Variants in KCNT2 observed in about 807,000 individuals in gnomAD.
The protein encoded by KCNT2 is potassium channel subfamily T member 2.
KCNT2 carries 67 observed loss-of-function variants against 153.8 expected under a neutral mutation model. The observed-to-expected ratio is 0.44, with a 90% CI of 0.36 to 0.53. KCNT2 has a LOEUF of 0.53. KCNT2 is among the 20% of genes least tolerant of loss of function. The probability of loss-of-function intolerance (pLI) is 0.00; values close to 1 mark genes in which losing one functional copy is unlikely to be tolerated. For synonymous variants in KCNT2, 500 were observed against 458.8 expected, an observed-to-expected ratio of 1.09 and a Z score of -1.15; for missense variants, 975 against 1,354.8, an observed-to-expected ratio of 0.72 and a Z score of 4.40.
chr1:196,445,091 T>TC (rs1675572215), intron 8 of KCNT2, among the ~76,000 whole-genome samples: 1 of 151,372 alleles, frequency 6.6e-6, no homozygotes, highest in Admixed American at 6.6e-5. Flanking sequence ...AAAGTGTATA[T>TC]CCAAGAAATA....
intron 25 of KCNT2, among the ~76,000 whole-genome samples, chr1:196,266,663 G>C (rs536128118): frequency 1.7e-4 from 26 of 152,132 alleles, no homozygotes; most frequent in Non-Finnish European, 3.5e-4. Context: ...ACTATTTAGA[G>C]AAGGGGTAAT....
intron 1 of KCNT2, among the ~76,000 whole-genome samples, chr1:196,501,969 A>G (rs1175403921): frequency 6.6e-6 from 1 of 152,038 alleles, no homozygotes; most frequent in Non-Finnish European, 1.5e-5. Context: ...AATACAAAAA[A>G]CTAGCGGGGC....
intron 1 of KCNT2, among the ~76,000 whole-genome samples, chr1:196,574,709 G>A (rs973797555): frequency 2.6e-5 from 4 of 151,792 alleles, no homozygotes; most frequent in Non-Finnish European, 5.9e-5. Context: ...GTTTAAAATT[G>A]TTGAGAATCT....
chr1:196,310,456 T>G (rs1662054498), intron 21 of KCNT2, among the ~76,000 whole-genome samples: 1 of 151,940 alleles, frequency 6.6e-6, no homozygotes, highest in African/African-American at 2.4e-5. Flanking sequence ...TTCAAAAATC[T>G]TATCCATGTA....
intron 23 of KCNT2, among the ~76,000 whole-genome samples, chr1:196,283,863 T>C (rs1475431961): frequency 6.6e-6 from 1 of 151,770 alleles, no homozygotes; most frequent in Non-Finnish European, 1.5e-5. Context: ...GTTTCAGTTA[T>C]ATATACATAC....
At chr1:196,493,398 A>G (rs967276482) in intron 1 of KCNT2, among the ~76,000 whole-genome samples, 8 of 147,766 alleles carry the variant, frequency 5.4e-5, no homozygotes, top group Non-Finnish European at 7.5e-5. Context: ...AAACTAGGAG[A>G]AAAAAAAAAC....
intron 12 of KCNT2, among the ~76,000 whole-genome samples, chr1:196,417,859 C>T (rs1672877328): frequency 6.6e-6 from 1 of 152,042 alleles, no homozygotes; most frequent in African/African-American, 2.4e-5. Context: ...CTCTGCACTG[C>T]TAAGTTACAA....
rs140684031 is a variant in KCNT2, at chr1:196,425,948, A to G, written c.1025T>C (p.Val342Ala). The G allele has an allele frequency of 5.3e-5, 86 of 1,612,198 alleles. No homozygotes were observed. Among genetic ancestry groups the G allele is most frequent in the Non-Finnish European group, 6.9e-5 (81 of 1,178,858 alleles). ...AATCTGCAGTACCCTTCGAACCTGTACATCCATTTCAGTAGGACACAAAAT... is the reference window on the plus strand; with the variant it reads ...AATCTGCAGTACCCTTCGAACCTGTGCATCCATTTCAGTAGGACACAAAAT... ...VVILCPTEMDVQVRRVLQIPM... is the reference protein window; with the variant it reads ...VVILCPTEMDAQVRRVLQIPM... The change falls in exon 11 of 28, where the codon GTA (valine) becomes GCA (alanine). Residue 342 changes from valine (V) to alanine (A), a missense_variant. Physicochemically the swap from Val to Ala is moderately conservative, Grantham distance 64 (BLOSUM62 0). Coordinates refer to ENST00000294725, the MANE Select transcript of KCNT2 (RefSeq NM_198503.5).
chr1:196,456,474 C>G (rs1263519625), intron 8 of KCNT2, among the ~76,000 whole-genome samples: 1 of 151,926 alleles, frequency 6.6e-6, no homozygotes, highest in East Asian at 1.9e-4. Flanking sequence ...CTATATATGT[C>G]TTATTTCTTT....
Position 196,258,275 on chromosome 1 carries a change from A to T in KCNT2, c.3130T>A (p.Tyr1044Asn). 6.2e-7 allele frequency: 1 copy of T among 1,614,098 alleles called. No individual in the cohort carries two copies. The highest frequency in any genetic ancestry group is 2.2e-5 in the East Asian group (1 of 44,878). ...AGCTCTTGTCTTTCTGACCTCCTGT[A>T]GAGGTTCAGTCGCTGCTGGGTTATT... ...EKITQQRLNL[Y>N]RRSERQELAE... Residue 1044 changes from tyrosine to asparagine, a missense_variant, in exon 26 of 28, where the codon TAC becomes AAC. By Grantham distance (143) the Tyr-to-Asn change is moderately radical. Transcript: ENST00000294725.
chr1:196,429,762 AG>A lies in KCNT2; in HGVS notation c.639-6del. 2 of 1,579,886 alleles carry A rather than the reference AG, an allele frequency of 1.3e-6. No homozygotes were observed. Among genetic ancestry groups the A allele is most frequent in the Non-Finnish European group, 1.7e-6 (2 of 1,162,378 alleles). On this transcript the variant is annotated splice_region_variant and splice_polypyrimidine_tract_variant and intron_variant, in intron 8 of 27. Coordinates refer to ENST00000294725, the MANE Select transcript of KCNT2 (RefSeq NM_198503.5). ...AGATGTTGGATCCCACAAATGCTAA[AG>A]AAACAAATATGCATTACAATTAAAT...
chr1:196,481,632 A>C (rs1679029285), intron 4 of KCNT2, among the ~76,000 whole-genome samples: 1 of 152,212 alleles, frequency 6.6e-6, no homozygotes, highest in South Asian at 2.1e-4. Flanking sequence ...AGAAAATAAA[A>C]AGGATCTGTA....
rs531085087 is a variant in KCNT2, at chr1:196,428,703, G to A, written c.820-434C>T. On this transcript the variant is annotated intron_variant, in intron 9 of 27. Transcript: ENST00000294725. ...TAGCCATTAACGGAGGAAAGTGAAA[G>A]GTGCAAGGGAGGGTATGTCAGGAAG... Among the ~76,000 whole-genome samples, 12 of 152,172 alleles carry A rather than the reference G, an allele frequency of 7.9e-5. 1 individual carries two copies. In the East Asian group the frequency reaches 2.3e-3, roughly 30 times the overall value.
At chr1:196,485,346 A>G (rs1307260887) in intron 3 of KCNT2, among the ~76,000 whole-genome samples, 5 of 152,064 alleles carry the variant, frequency 3.3e-5, no homozygotes, top group African/African-American at 1.2e-4. Flanking sequence ...TAATAAAGTT[A>G]GTTTAAGACT....
intron 26 of KCNT2, chr1:196,257,662 C>G: frequency 2.1e-6 from 2 of 972,696 alleles, no homozygotes; most frequent in South Asian, 9.5e-5. Flanking sequence ...TATATAGGAA[C>G]TGAACAATTA....
intron 2 of KCNT2, among the ~76,000 whole-genome samples, chr1:196,490,694 G>T (rs948904473): frequency 6.6e-6 from 1 of 151,698 alleles, no homozygotes; most frequent in African/African-American, 2.4e-5. Context: ...TCTAAACTGT[G>T]TGGGTCACAA....
rs190012521 is a variant in KCNT2 at position 196,590,808 on chromosome 1, C to T, written c.95+17407G>A. 2.2e-4 allele frequency among the ~76,000 whole-genome samples: 34 copies of T among 152,232 alleles called. No homozygotes were observed. The East Asian group carries it at 3.9e-3, about 17-fold the overall frequency. ...CCTTACTGATATGGTTGAGATGTTACACCACCTCCAAATCCCATGTTGAAA... is the reference window on the plus strand; with the variant it reads ...CCTTACTGATATGGTTGAGATGTTATACCACCTCCAAATCCCATGTTGAAA... On this transcript the variant is annotated intron_variant, in intron 1 of 27. Transcript: ENST00000294725.
chr1:196,420,459 A>G (rs1027642252), intron 12 of KCNT2, among the ~76,000 whole-genome samples: 5 of 151,692 alleles, frequency 3.3e-5, no homozygotes, highest in South Asian at 2.1e-4. Flanking sequence ...TCTGAATACA[A>G]GCAGGAGTTA....
intron 10 of KCNT2, among the ~76,000 whole-genome samples, chr1:196,426,722 T>C (rs1363364194): frequency 6.6e-6 from 1 of 151,834 alleles, no homozygotes. Flanking sequence ...AATGACTGTA[T>C]GATATGGTTT....
Sources: allele counts gnomAD v4.1 joint callset (sites outside exome capture counted in the v4.1 genomes callset), GRCh38; gene constraint gnomAD v4.1.1; transcripts MANE v1.5; gene names NCBI Gene and HGNC (gene_info 2026-07-23, HGNC 2026-07-21).